The following LIN7A variants were observed in gnomAD, a reference collection of about 807,000 sequenced individuals.
LIN7A encodes the protein lin-7 cell polarity scaffold A.
A neutral mutation model predicts 29.8 loss-of-function variants in LIN7A; 25 were observed. The observed-to-expected ratio is 0.84, with a 90% CI of 0.61 to 1.17. LIN7A has a LOEUF of 1.17. LIN7A is among the 50% of genes most tolerant of loss of function. LIN7A has a pLI of 0.00. For synonymous variants in LIN7A, 118 were observed against 107.5 expected (o/e 1.10, Z -0.60); for missense variants, 239 against 287.0 (o/e 0.83, Z 1.21).
chr12:80,853,126 T>TGG (rs1440588589), intron 2 of LIN7A, among the ~76,000 whole-genome samples: 2 of 152,192 alleles, frequency 1.3e-5, no homozygotes, highest in African/African-American at 2.4e-5. Context: ...TTTAAGCCAC[T>TGG]ACAGCTGGAC....
intron 2 of LIN7A, among the ~76,000 whole-genome samples, chr12:80,861,894 G>A (rs1873901682): frequency 6.6e-6 from 1 of 152,180 alleles, no homozygotes; most frequent in Admixed American, 6.5e-5. Context: ...AGCCAGTCTT[G>A]CACCAGATTG....
At chr12:80,822,554 T>C (rs998248958) in intron 4 of LIN7A, among the ~76,000 whole-genome samples, 1 of 152,050 alleles carries the variant, frequency 6.6e-6, no homozygotes, top group Non-Finnish European at 1.5e-5. Context: ...TGAAACTCTA[T>C]CACACAAGCA....
At chr12:80,881,156 A>AT (rs1555226653) in intron 2 of LIN7A, among the ~76,000 whole-genome samples, 1 of 72,816 alleles carries the variant, frequency 1.4e-5, no homozygotes, top group Non-Finnish European at 6.0e-5. Context: ...CTTCTTCTCC[A>AT]GGGGAAAAAA....
At chr12:80,869,693 G>C (rs1178044515) in intron 2 of LIN7A, among the ~76,000 whole-genome samples, 1 of 151,526 alleles carries the variant, frequency 6.6e-6, no homozygotes, top group African/African-American at 2.4e-5. Context: ...TATTGTCAGA[G>C]ATTTAAATGT....
At chr12:80,907,718 T>C (rs571389722) in intron 1 of LIN7A, among the ~76,000 whole-genome samples, 3 of 152,192 alleles carry the variant, frequency 2.0e-5, no homozygotes, top group East Asian at 3.9e-4. Context: ...ATGGATTCCA[T>C]AGAGTGTTAC....
chr12:80,935,686 A>G (rs1878172274), intron 1 of LIN7A: 1 of 407,858 alleles, frequency 2.5e-6, no homozygotes, highest in Non-Finnish European at 5.7e-6. Flanking sequence ...GATGCCAATA[A>G]CCCATCATCT....
intron 1 of LIN7A, among the ~76,000 whole-genome samples, chr12:80,889,710 G>A (rs937086833): frequency 6.6e-6 from 1 of 152,034 alleles, no homozygotes; most frequent in African/African-American, 2.4e-5. Flanking sequence ...TGCCTCTGAG[G>A]TGCTTCCTTT....
At chr12:80,875,733 A>G (rs895458261) in intron 2 of LIN7A, among the ~76,000 whole-genome samples, 2 of 152,192 alleles carry the variant, frequency 1.3e-5, no homozygotes, top group East Asian at 3.8e-4. Context: ...TATTTATTAA[A>G]TGCTTATTAT....
At chr12:80,937,391 G>C (rs1174331649) in intron 1 of LIN7A, 1 of 378,998 alleles carries the variant, frequency 2.6e-6, no homozygotes, top group Non-Finnish European at 4.7e-6. Context: ...GAGTGGCAGC[G>C]GGGACCCCAG....
chr12:80,900,116 C>A (rs1015846188), intron 1 of LIN7A, among the ~76,000 whole-genome samples: 2 of 151,778 alleles, frequency 1.3e-5, no homozygotes, highest in African/African-American at 4.8e-5. Flanking sequence ...TGGTAACATC[C>A]CCTTTGTCAT....
chr12:80,839,397 G>A lies in LIN7A; in HGVS notation c.483+6333C>T, dbSNP rs1013779629. On this transcript the variant is annotated intron_variant, in intron 4 of 5. Coordinates refer to ENST00000552864, the MANE Select transcript of LIN7A (RefSeq NM_004664.4). ...AACACCTACCACTGAGGATCATTACGGGTAAATAATGAATTCATTATGTAG... is the reference window on the plus strand; with the variant it reads ...AACACCTACCACTGAGGATCATTACAGGTAAATAATGAATTCATTATGTAG... Among the ~76,000 whole-genome samples the A allele has an allele frequency of 7.2e-5, 11 of 152,046 alleles. No homozygotes were observed. The South Asian group carries it at 8.3e-4, about 11-fold the overall frequency.
At chr12:80,909,184 T>A (rs1161401689) in intron 1 of LIN7A, among the ~76,000 whole-genome samples, 3 of 152,150 alleles carry the variant, frequency 2.0e-5, no homozygotes, top group Non-Finnish European at 4.4e-5. Flanking sequence ...TTGCATTTGG[T>A]TACCCAATTT....
At chr12:80,807,798 G>T (rs1048320575) in intron 5 of LIN7A, among the ~76,000 whole-genome samples, 13 of 152,140 alleles carry the variant, frequency 8.5e-5, no homozygotes, top group Non-Finnish European at 1.5e-4. Flanking sequence ...TCTGTCTATA[G>T]ACTTCTGTCT....
chr12:80,923,878 A>G (rs1462620614), intron 1 of LIN7A, among the ~76,000 whole-genome samples: 1 of 152,234 alleles, frequency 6.6e-6, no homozygotes, highest in Admixed American at 6.5e-5. Flanking sequence ...TCTTCAAAAT[A>G]CAAATAATGT....
rs142927051 is a variant in LIN7A, at chr12:80,913,767, G to A, written c.82+23874C>T. 2.2e-3 allele frequency among the ~76,000 whole-genome samples: 332 copies of A among 152,088 alleles called. 1 individual carries two copies. The highest frequency in any genetic ancestry group is 7.8e-3 in the African/African-American group (323 of 41,464). On this transcript the variant is annotated intron_variant, in intron 1 of 5. Transcript: ENST00000552864. ...ACATACTTACTTTCAACTATTTGTT[G>A]CCACAGCTTTTCTTCAAGTAGTCTT... is the stretch of plus-strand genomic sequence containing the variant.
At chr12:80,846,279 T>G (rs938130003) in intron 3 of LIN7A, among the ~76,000 whole-genome samples, 2 of 152,206 alleles carry the variant, frequency 1.3e-5, no homozygotes, top group Non-Finnish European at 2.9e-5. Flanking sequence ...CTATCTACTA[T>G]TATAATTATT....
At chr12:80,911,409 C>G (rs1273265885) in intron 1 of LIN7A, among the ~76,000 whole-genome samples, 1 of 151,188 alleles carries the variant, frequency 6.6e-6, no homozygotes, top group Non-Finnish European at 1.5e-5. Flanking sequence ...GCCACTGGGT[C>G]TGGCTTGGAA....
intron 2 of LIN7A, among the ~76,000 whole-genome samples, chr12:80,887,510 T>C (rs1388075432): frequency 6.6e-6 from 1 of 152,146 alleles, no homozygotes; most frequent in Non-Finnish European, 1.5e-5. Context: ...CTTATTCTAC[T>C]GCACACACAT....
chr12:80,846,150 C>T (rs1873068395), intron 3 of LIN7A, among the ~76,000 whole-genome samples: 1 of 152,154 alleles, frequency 6.6e-6, no homozygotes, highest in Non-Finnish European at 1.5e-5. Flanking sequence ...CTATTTCCAG[C>T]TTCCTAGGGC....
Sources: gnomAD v4.1 joint callset for allele counts (sites outside exome capture counted in the v4.1 genomes callset) on GRCh38, gnomAD v4.1.1 for gene constraint, MANE v1.5 for transcripts, NCBI Gene and HGNC (gene_info 2026-07-23, HGNC 2026-07-21) for gene names.